OXSM: variants seen among roughly 807,000 people sequenced by gnomAD.
OXSM encodes 3-oxoacyl-ACP synthase, mitochondrial, also known as 3-oxoacyl-[acyl-carrier-protein] synthase, mitochondrial.
In OXSM, 19 loss-of-function variants were observed where a neutral mutation model predicts 29.2. The observed-to-expected ratio is 0.65, with a 90% CI of 0.45 to 0.96. OXSM has a LOEUF of 0.96. Ranked by LOEUF, OXSM falls within the 40% of genes least tolerant of loss-of-function variation. The pLI is 0.00. For missense variants in OXSM, 554 were observed against 551.3 expected (o/e 1.00, Z -0.05); for synonymous variants, 178 against 197.1 (o/e 0.90, Z 0.81).
At chr3:25,792,842 T>C (rs1470224562) in intron 2 of OXSM, among the ~76,000 whole-genome samples, 2 of 152,250 alleles carry the variant, frequency 1.3e-5, no homozygotes, top group African/African-American at 4.8e-5. Flanking sequence ...AGCTAATAGT[T>C]TAGCTTTCTT....
chr3:25,790,518 C>T (rs553319487), intron 1 of OXSM: 1 of 163,416 alleles, frequency 6.1e-6, no homozygotes, highest in Non-Finnish European at 1.3e-5. Context: ...GTCTAGGGCT[C>T]TTGGCCCTGG....
At position 25,791,421 on chromosome 3, in the gene OXSM, G is replaced by T. The variant is rs999000662; in HGVS notation, c.401G>T (p.Gly134Val). Residue 134 changes from glycine (G) to valine (V), a missense_variant, in exon 2 of 3, where the codon GGC (glycine) becomes GTC (valine). Physicochemically the swap from Gly to Val is moderately radical, Grantham distance 109 (BLOSUM62 -3). Transcript: ENST00000280701. ...GCAGAATTAGCCATGAAGGATTCTGGCTGGCATCCTCAGTCAGAAGCTGAT... is the reference window on the plus strand; with the variant it reads ...GCAGAATTAGCCATGAAGGATTCTGTCTGGCATCCTCAGTCAGAAGCTGAT... ...GAAELAMKDS[G>V]WHPQSEADQV... The T allele has an allele frequency of 2.5e-6, 4 of 1,614,020 alleles. No homozygotes were observed. Among genetic ancestry groups the T allele is most frequent in the African/African-American group, 2.7e-5 (2 of 74,920 alleles).
chr3:25,791,598 G>A lies in OXSM; in HGVS notation c.578G>A (p.Ser193Asn). Residue 193 changes from serine (S) to asparagine (N), a missense_variant, in exon 2 of 3, where the codon AGC (serine) becomes AAC (asparagine). Ser to Asn is a conservative substitution (Grantham distance 46). Transcript: ENST00000280701. ...ILVNMAAGQV[S>N]IRYKLKGPNH... is the part of the protein sequence containing the mutation. The stretch of plus-strand genomic sequence containing the variant: ...GTCAATATGGCAGCAGGCCAGGTCA[G>A]CATTCGATATAAACTCAAGGGCCCA... 6.2e-7 allele frequency: 1 copy of A among 1,614,196 alleles called. No individual in the cohort carries two copies. The highest frequency in any genetic ancestry group is 8.5e-7 in the Non-Finnish European group (1 of 1,180,030).
At position 25,794,132 on chromosome 3, in the gene OXSM, G is replaced by A; in HGVS notation, c.1018G>A (p.Glu340Lys). Residue 340 changes from glutamate (E) to lysine (K), a missense_variant, in exon 3 of 3, where the codon GAG becomes AAG. Glu to Lys is a moderately conservative substitution (Grantham distance 56, BLOSUM62 1). Transcript: ENST00000280701. ...TTTAAAAGATGCAGGTGTGCAGCCT[G>A]AGGAGATATCCTATATCAATGCACA... ...AALKDAGVQP[E>K]EISYINAHAT... is the part of the protein sequence containing the mutation. 1.2e-6 allele frequency: 2 copies of A among 1,614,130 alleles called. No individual in the cohort carries two copies. The highest frequency in any genetic ancestry group is 2.2e-5 in the East Asian group (1 of 44,890).
chr3:25,792,404 C>T (rs1422389470), intron 2 of OXSM, among the ~76,000 whole-genome samples: 3 of 152,208 alleles, frequency 2.0e-5, no homozygotes, highest in Non-Finnish European at 4.4e-5. Flanking sequence ...CTTTTCAAAT[C>T]AGCACTTCTC....
At chr3:25,790,509 T>G (rs1708715495) in intron 1 of OXSM, 1 of 165,132 alleles carries the variant, frequency 6.1e-6, no homozygotes, top group Non-Finnish European at 1.3e-5. Context: ...AGACGCTCAG[T>G]CTAGGGCTCT....
In OXSM at chr3:25,791,551, A is replaced by AT; in HGVS notation, c.537dup (p.Val180CysfsTer3). Reference sequence around the variant, plus strand: ...CAAAAGGTTACAATAAAGTTAGCCCATTTTTTGTCCCTAAGATTCTGGTCA... The same window carrying AT: ...CAAAAGGTTACAATAAAGTTAGCCCATTTTTTTGTCCCTAAGATTCTGGTCA... On this transcript the variant is annotated frameshift_variant, in exon 2 of 3. Transcript: ENST00000280701. LOFTEE classifies it high-confidence loss of function. The AT allele has an allele frequency of 1.9e-6, 3 of 1,614,108 alleles. No homozygotes were observed. The highest frequency in any genetic ancestry group is 1.3e-5 in the African/African-American group (1 of 74,996).
chr3:25,791,073 G>T lies in OXSM; in HGVS notation c.53G>T (p.Cys18Phe). 1 of 1,614,076 alleles carries T rather than the reference G, an allele frequency of 6.2e-7. No individual in the cohort carries two copies. Among genetic ancestry groups the T allele is most frequent in the Non-Finnish European group, 8.5e-7 (1 of 1,179,918 alleles). ...FLKITSTRLL[C>F]SRLCQQLRSK... ...AAAATTACAAGCACTCGTCTTCTAT[G>T]TTCAAGATTATGCCAACAGTTAAGA... The change falls in exon 2 of 3, where the codon TGT (cysteine) becomes TTT (phenylalanine). Residue 18 changes from cysteine (C) to phenylalanine (F), a missense_variant. Cys to Phe is a radical substitution (Grantham distance 205, BLOSUM62 -2). Coordinates refer to ENST00000280701, the MANE Select transcript of OXSM (RefSeq NM_017897.3).
In OXSM at chr3:25,791,986, A is replaced by G; in HGVS notation, c.966A>G (p.Glu322=). Residue 322 remains glutamate (E), a synonymous_variant, in exon 2 of 3, where the codon GAA becomes GAG. Coordinates refer to ENST00000280701, the MANE Select transcript of OXSM (RefSeq NM_017897.3). The stretch of plus-strand genomic sequence containing the variant: ...TAACTGCCCCTGATCCTGAAGGAGA[A>G]GGTGCCTTAAGGTAAAGATGGGTTA... ...GHITAPDPEG[E]GALRCMAAAL... 1 of 1,595,022 alleles carries G rather than the reference A, an allele frequency of 6.3e-7. No homozygotes were observed. The highest frequency in any genetic ancestry group is 1.1e-5 in the South Asian group (1 of 90,418).
chr3:25,791,064 G>C lies in OXSM; in HGVS notation c.44G>C (p.Arg15Pro). The change falls in exon 2 of 3, where the codon CGT becomes CCT. Residue 15 changes from arginine (R) to proline (P), a missense_variant. Transcript: ENST00000280701. ...AATTTCCTGAAAATTACAAGCACTCGTCTTCTATGTTCAAGATTATGCCAA... is the reference window on the plus strand; with the variant it reads ...AATTTCCTGAAAATTACAAGCACTCCTCTTCTATGTTCAAGATTATGCCAA... The part of the protein sequence containing the change: ...LQNFLKITST[R>P]LLCSRLCQQL... 6.2e-7 allele frequency: 1 copy of C among 1,613,436 alleles called. No homozygotes were observed. The highest frequency in any genetic ancestry group is 8.5e-7 in the Non-Finnish European group (1 of 1,179,456).
At chr3:25,794,044 GTTAAAA>G in intron 2 of OXSM, 42 bp from the exon 3 acceptor site, 1 of 1,520,070 alleles carries the variant, frequency 6.6e-7, no homozygotes, top group Non-Finnish European at 8.9e-7. Flanking sequence ...AGAGACTTTT[GTTAAAA>G]TTAAACTTAG....
chr3:25,790,329 CACTCTTTT>C lies in OXSM; in HGVS notation c.-32+187_-32+194del, dbSNP rs1361068153. On this transcript the variant is annotated intron_variant, in intron 1 of 2. Coordinates refer to ENST00000280701, the MANE Select transcript of OXSM (RefSeq NM_017897.3). The stretch of plus-strand genomic sequence containing the variant: ...TGAGAGGCGATACAGGGAATGGCTA[CACTCTTTT>C]ACTCCCGCCCCTGGCCTTCGTAGTA... 2.0e-5 allele frequency among the ~76,000 whole-genome samples: 3 copies of C among 152,184 alleles called. No individual in the cohort carries two copies. In the East Asian group the frequency reaches 5.8e-4, roughly 29 times the overall value.
Position 25,791,779 on chromosome 3 carries a change from T to C in OXSM, c.759T>C (p.Ala253=). 2 of 1,614,144 alleles carry C rather than the reference T, an allele frequency of 1.2e-6. No individual in the cohort carries two copies. Among genetic ancestry groups the C allele is most frequent in the Non-Finnish European group, 8.5e-7 (1 of 1,180,028 alleles). ...TTGCTGGGTTTTCCAGAGCCCGGGC[T>C]CTGAGCACAAACTCAGATCCCAAGT... ...LSLAGFSRAR[A]LSTNSDPKLA... The change falls in exon 2 of 3, where the codon GCT becomes GCC. Residue 253 remains alanine, a synonymous_variant. Transcript: ENST00000280701.
Position 25,791,054 on chromosome 3 carries a change from A to G in OXSM, c.34A>G (p.Thr12Ala). The change falls in exon 2 of 3, where the codon ACA becomes GCA. Residue 12 changes from threonine to alanine, a missense_variant. Transcript: ENST00000280701. ...CTGCCTGCAAAATTTCCTGAAAATTACAAGCACTCGTCTTCTATGTTCAAG... is the reference window on the plus strand; with the variant it reads ...CTGCCTGCAAAATTTCCTGAAAATTGCAAGCACTCGTCTTCTATGTTCAAG... ...SNCLQNFLKI[T>A]STRLLCSRLC... 6.2e-7 allele frequency: 1 copy of G among 1,612,666 alleles called. No individual in the cohort carries two copies. The highest frequency in any genetic ancestry group is 8.5e-7 in the Non-Finnish European group (1 of 1,178,842).
intron 2 of OXSM, among the ~76,000 whole-genome samples, chr3:25,793,055 A>C (rs1427029465): frequency 6.6e-6 from 1 of 152,250 alleles, no homozygotes; most frequent in African/African-American, 2.4e-5. Flanking sequence ...TATTTACAAA[A>C]ATAGGCATCT....
At chr3:25,793,885 A>G (rs1002737144) in intron 2 of OXSM, among the ~76,000 whole-genome samples, 6 of 152,202 alleles carry the variant, frequency 3.9e-5, no homozygotes, top group African/African-American at 1.2e-4. Flanking sequence ...AACCAGTCCA[A>G]GGTAGTGAGT....
At position 25,794,335 on chromosome 3, in the gene OXSM, A is replaced by G. The variant is rs894404128; in HGVS notation, c.1221A>G (p.Leu407=). ...CATTAGCTTGTTATTATCAAAAACT[A>G]CCACCTACTTTAAACCTGGATTGTT... ...FTTLACYYQK[L]PPTLNLDCSE... is the part of the protein sequence containing the mutation. Residue 407 remains leucine (L), a synonymous_variant, in exon 3 of 3, where the codon CTA becomes CTG. Coordinates refer to ENST00000280701, the MANE Select transcript of OXSM (RefSeq NM_017897.3). The G allele has an allele frequency of 1.2e-5, 19 of 1,614,222 alleles. No homozygotes were observed. The highest frequency in any genetic ancestry group is 1.6e-5 in the Non-Finnish European group (19 of 1,180,038).
chr3:25,790,828 CAGAT>C (rs1708725839), intron 1 of OXSM, 158 bp from the exon 2 acceptor site: 11 of 550,046 alleles, frequency 2.0e-5, no homozygotes, highest in Non-Finnish European at 3.5e-5. Flanking sequence ...TAAGTTTAAA[CAGAT>C]AGTTTGATGT....
rs1405746758 is a variant in OXSM, at chr3:25,791,931, G to A, written c.911G>A (p.Gly304Asp). ...RRARIYAEVLGYGLSGDAGHI... is the reference protein window; with the variant it reads ...RRARIYAEVLDYGLSGDAGHI... ...GCCCGGATCTATGCAGAAGTTTTGGGCTATGGACTCTCAGGTGATGCTGGT... is the reference window on the plus strand; with the variant it reads ...GCCCGGATCTATGCAGAAGTTTTGGACTATGGACTCTCAGGTGATGCTGGT... Residue 304 changes from glycine to aspartate, a missense_variant, in exon 2 of 3, where the codon GGC (glycine) becomes GAC (aspartate). Gly to Asp is a moderately conservative substitution (Grantham distance 94). Coordinates refer to ENST00000280701, the MANE Select transcript of OXSM (RefSeq NM_017897.3). The A allele has an allele frequency of 1.2e-6, 2 of 1,601,770 alleles. No homozygotes were observed. The highest frequency in any genetic ancestry group is 1.7e-4 in the Middle Eastern group (1 of 6,056).
Sources: allele counts gnomAD v4.1 joint callset (sites outside exome capture counted in the v4.1 genomes callset), GRCh38; gene constraint gnomAD v4.1.1; transcripts MANE v1.5; gene names NCBI Gene and HGNC (gene_info 2026-07-23, HGNC 2026-07-21).